GATA6: variants seen among roughly 807,000 people sequenced by gnomAD.
GATA6 encodes the protein transcription factor GATA-6.
A neutral mutation model predicts 48.1 loss-of-function variants in GATA6; 11 were observed. That is an observed-to-expected ratio of 0.23 (90% CI 0.14 to 0.38). The LOEUF (loss-of-function observed/expected upper bound fraction) is 0.38. Ranked by LOEUF, GATA6 falls within the 10% of genes least tolerant of loss-of-function variation. GATA6 has a pLI of 1.00. For synonymous variants in GATA6, 419 were observed against 396.1 expected (o/e 1.06, Z -0.69); for missense variants, 795 against 850.3 (o/e 0.93, Z 0.81).
chr18:22,189,102 C>T (rs147350808), intron 6 of GATA6, among the ~76,000 whole-genome samples: 150 of 152,246 alleles, frequency 9.9e-4, no homozygotes, highest in African/African-American at 3.4e-3. Context: ...AGTAAATAGG[C>T]GTCATCGTTC....
intron 6 of GATA6, among the ~76,000 whole-genome samples, chr18:22,198,844 A>C (rs1268786676): frequency 2.0e-5 from 3 of 152,234 alleles, no homozygotes; most frequent in Admixed American, 2.0e-4. Flanking sequence ...ATCCATCTGA[A>C]GCTTTAGACA....
chr18:22,172,743 G>T lies in GATA6; in HGVS notation c.1135+464G>T, dbSNP rs1421964191. ...CCCCCAAACAGACACACAAGCACAT[G>T]CAGGCTCACCCAGTTTAACTCTCCA... On this transcript the variant is annotated intron_variant, in intron 2 of 6. Coordinates refer to ENST00000269216, the MANE Select transcript of GATA6 (RefSeq NM_005257.6). This position sits in a 1 kb window ranked among gnomAD's most constrained non-coding sequence, Gnocchi z 5.2. 6.6e-6 allele frequency among the ~76,000 whole-genome samples: 1 copy of T among 152,180 alleles called. No homozygotes were observed. The highest frequency in any genetic ancestry group is 2.1e-4 in the South Asian group (1 of 4,824).
At chr18:22,184,213 T>G (rs976198667) in intron 6 of GATA6, among the ~76,000 whole-genome samples, 1 of 152,250 alleles carries the variant, frequency 6.6e-6, no homozygotes, top group Admixed American at 6.5e-5. Flanking sequence ...ACAAAATGTT[T>G]AAACTGTGCT....
rs928381622 is a variant in GATA6 at position 22,202,283 on chromosome 18, A to C, written c.*1460A>C. The C allele has an allele frequency of 6.6e-6, 1 of 152,178 alleles. No homozygotes were observed. Among genetic ancestry groups the C allele is most frequent in the Non-Finnish European group, 1.5e-5 (1 of 68,038 alleles). 9.4% of individuals were successfully genotyped at this position (152,178 alleles called of 1,614,324 possible). A position where few individuals can be genotyped will look rare whatever the true frequency, so the allele number is the denominator to read the frequency against. ...AACAATGCTTAAAAATATTCCAGAAAGTTCAGATTTTTTTTCTTTGTGAAT... is the reference window on the plus strand; with the variant it reads ...AACAATGCTTAAAAATATTCCAGAACGTTCAGATTTTTTTTCTTTGTGAAT... On this transcript the variant is annotated 3_prime_UTR_variant, in exon 7 of 7. Transcript: ENST00000269216.
intron 6 of GATA6, among the ~76,000 whole-genome samples, chr18:22,193,959 A>C (rs1289628393): frequency 6.6e-6 from 1 of 152,182 alleles, no homozygotes; most frequent in African/African-American, 2.4e-5. Context: ...GGGATGTGCG[A>C]AATGAAGGAA....
Position 22,172,123 on chromosome 18 carries a change from C to T in GATA6, c.979C>T (p.His327Tyr). 1 of 1,515,042 alleles carries T rather than the reference C, an allele frequency of 6.6e-7. No homozygotes were observed. Among genetic ancestry groups the T allele is most frequent in the South Asian group, 1.2e-5 (1 of 80,922 alleles). The allele number at this position is 1,515,042 out of a possible 1,614,324, so 93.8% of individuals were successfully genotyped here. Reference sequence around the variant, plus strand: ...GCTGAACGGGACGTACCACCACCACCACCACCACCACCACCACCATCCGAG... The same window carrying T: ...GCTGAACGGGACGTACCACCACCACTACCACCACCACCACCACCATCCGAG... ...RPLNGTYHHH[H>Y]HHHHHHPSPY... The change falls in exon 2 of 7, where the codon CAC (histidine) becomes TAC (tyrosine). Residue 327 changes from histidine to tyrosine, a missense_variant. By Grantham distance (83) the His-to-Tyr change is moderately conservative (BLOSUM62 2). Coordinates refer to ENST00000269216, the MANE Select transcript of GATA6 (RefSeq NM_005257.6). The surrounding 1 kb of genome is among the most constrained non-coding windows in gnomAD (Gnocchi z 5.2).
At chr18:22,184,836 A>C (rs1184541450) in intron 6 of GATA6, among the ~76,000 whole-genome samples, 1 of 152,130 alleles carries the variant, frequency 6.6e-6, no homozygotes, top group African/African-American at 2.4e-5. Context: ...CCTCAGGAGC[A>C]ATTATGTAGC....
chr18:22,200,874 T>C lies in GATA6; in HGVS notation c.*51T>C. On this transcript the variant is annotated 3_prime_UTR_variant, in exon 7 of 7. Coordinates refer to ENST00000269216, the MANE Select transcript of GATA6 (RefSeq NM_005257.6). ...GGCTCCGCCGCGGGCCTCACTCCAC[T>C]CGTGTCTGCTTTTGTGCAGCGGTCC... 1 of 1,555,462 alleles carries C rather than the reference T, an allele frequency of 6.4e-7. No homozygotes were observed. The highest frequency in any genetic ancestry group is 8.7e-7 in the Non-Finnish European group (1 of 1,146,398).
At position 22,172,228 on chromosome 18, in the gene GATA6, C is replaced by T. The variant is rs2143278976; in HGVS notation, c.1084C>T (p.Leu362=). 3.9e-6 allele frequency: 6 copies of T among 1,534,314 alleles called. No individual in the cohort carries two copies. The highest frequency in any genetic ancestry group is 5.2e-6 in the Non-Finnish European group (6 of 1,146,276). ...CTTCGAGACCCCGGTGCTGCACAGC[C>T]TGCAGAGCCGCGCCGGAGCCCCGCT... ...GPFETPVLHS[L]QSRAGAPLPV... Residue 362 remains leucine (L), a synonymous_variant, in exon 2 of 7, where the codon CTG becomes TTG. Transcript: ENST00000269216. This position sits in a 1 kb window ranked among gnomAD's most constrained non-coding sequence, Gnocchi z 5.2.
chr18:22,196,774 G>C (rs1379791587), intron 6 of GATA6, among the ~76,000 whole-genome samples: 1 of 152,026 alleles, frequency 6.6e-6, no homozygotes, highest in Non-Finnish European at 1.5e-5. Context: ...AAGAGAAAGA[G>C]TCATGAGACT....
At chr18:22,178,802 A>G (rs1378164839) in intron 3 of GATA6, among the ~76,000 whole-genome samples, 1 of 152,218 alleles carries the variant, frequency 6.6e-6, no homozygotes, top group East Asian at 1.9e-4. Flanking sequence ...AAGAAGAAAA[A>G]GTAGTAACTG....
chr18:22,199,555 T>C (rs900742361), intron 6 of GATA6, among the ~76,000 whole-genome samples: 2 of 152,342 alleles, frequency 1.3e-5, no homozygotes, highest in Admixed American at 1.3e-4. Flanking sequence ...TTTGGCCTTT[T>C]TCATGTGAAT....
At chr18:22,186,296 G>T (rs1268865755) in intron 6 of GATA6, among the ~76,000 whole-genome samples, 7 of 152,142 alleles carry the variant, frequency 4.6e-5, no homozygotes. Flanking sequence ...AGGTGGAACT[G>T]GGGGCCACAT....
At chr18:22,196,749 AAAAAT>A (rs1240054547) in intron 6 of GATA6, among the ~76,000 whole-genome samples, 2 of 152,098 alleles carry the variant, frequency 1.3e-5, no homozygotes, top group African/African-American at 4.8e-5. Context: ...CTCAAAAATA[AAAAAT>A]AAAATAAAAA....
intron 6 of GATA6, among the ~76,000 whole-genome samples, chr18:22,196,829 G>GT (rs1210376674): frequency 6.6e-6 from 1 of 152,134 alleles, no homozygotes; most frequent in African/African-American, 2.4e-5. Flanking sequence ...GCGAAGAACT[G>GT]TCAGTGACAG....
intron 3 of GATA6, chr18:22,180,307 G>A (rs557639971): frequency 1.1e-4 from 17 of 151,888 alleles, no homozygotes; most frequent in Admixed American, 5.9e-4. Flanking sequence ...ACTTAAAAAC[G>A]AGTTTTATAT....
rs9965366 is a variant in GATA6 at position 22,201,149 on chromosome 18, T to A, written c.*326T>A. 21 of 349,858 alleles carry A rather than the reference T, an allele frequency of 6.0e-5. No individual in the cohort carries two copies. Among genetic ancestry groups the A allele is most frequent in the African/African-American group, 4.1e-4 (20 of 48,744 alleles). 21.7% of individuals were successfully genotyped at this position (349,858 alleles called of 1,614,324 possible). On this transcript the variant is annotated 3_prime_UTR_variant, in exon 7 of 7. Coordinates refer to ENST00000269216, the MANE Select transcript of GATA6 (RefSeq NM_005257.6). ...GAGATTTTTTAAAAAAGATTTTGCA[T>A]TTTGTCCAAAATCATGTGCTTCTTC...
intron 6 of GATA6, among the ~76,000 whole-genome samples, chr18:22,189,950 C>T (rs762516942): frequency 2.0e-5 from 3 of 152,136 alleles, no homozygotes; most frequent in African/African-American, 7.2e-5. Context: ...AATTGAGACG[C>T]GTGGTTTCAC....
Position 22,172,834 on chromosome 18 carries a change from G to C in GATA6, c.1135+555G>C, listed in dbSNP as rs1321074052. On this transcript the variant is annotated intron_variant, in intron 2 of 6. Coordinates refer to ENST00000269216, the MANE Select transcript of GATA6 (RefSeq NM_005257.6). The surrounding 1 kb of genome is among the most constrained non-coding windows in gnomAD (Gnocchi z 5.2). ...AAGAGCACAACAGAAGAACCTAGAT[G>C]TTCCTAGGGAAGCTAGTTGGCGTCT... 1.3e-5 allele frequency among the ~76,000 whole-genome samples: 2 copies of C among 152,206 alleles called. No homozygotes were observed. Among genetic ancestry groups the C allele is most frequent in the African/African-American group, 4.8e-5 (2 of 41,466 alleles).
Sources: gnomAD v4.1 joint callset for allele counts (sites outside exome capture counted in the v4.1 genomes callset) on GRCh38, gnomAD v4.1.1 for gene constraint, Gnocchi (gnomAD v3.1) non-coding constraint, MANE v1.5 for transcripts, NCBI Gene and HGNC (gene_info 2026-07-23, HGNC 2026-07-21) for gene names.